The following RHOBTB2 variants were observed in gnomAD, a reference collection of about 807,000 sequenced individuals.
The protein encoded by RHOBTB2 is Rho related BTB domain containing 2.
In RHOBTB2, 39 loss-of-function variants were observed where a neutral mutation model predicts 66.5. The observed-to-expected ratio is 0.59, with a 90% CI of 0.45 to 0.77. The LOEUF (loss-of-function observed/expected upper bound fraction) is 0.77, where lower values mean the gene tolerates loss of function less well. Among genes scored for constraint, RHOBTB2 ranks in the 30% least tolerant of loss-of-function variants. RHOBTB2 has a pLI of 0.00. For synonymous variants in RHOBTB2, 390 were observed against 395.0 expected, an observed-to-expected ratio of 0.99 and a Z score of 0.15; for missense variants, 755 against 999.1, an observed-to-expected ratio of 0.76 and a Z score of 3.29.
chr8:22,966,958 T>C, the RHOBTB2 span, among the ~76,000 whole-genome samples: 9 of 152,234 alleles, frequency 5.9e-5, no homozygotes, highest in Non-Finnish European at 1.0e-4. Flanking sequence ...CTGATGGGGA[T>C]GGAAAATGGT....
chr8:23,004,773 G>A lies in RHOBTB2; in HGVS notation c.192+147G>A. ...GTTGGGGGCAGCTGAAGAGGAAGGA[G>A]CCCCTGGAGAGAGGTTTAAGCCAAG... On this transcript the variant is annotated intron_variant, in intron 2 of 9. Coordinates refer to ENST00000251822, the MANE Select transcript of RHOBTB2 (RefSeq NM_015178.3). This position sits in a 1 kb window ranked among gnomAD's most constrained non-coding sequence, Gnocchi z 6.4. 1.3e-6 allele frequency: 1 copy of A among 751,884 alleles called. No individual in the cohort carries two copies. Among genetic ancestry groups the A allele is most frequent in the East Asian group, 2.7e-5 (1 of 37,148 alleles). 46.6% of individuals were successfully genotyped at this position (751,884 alleles called of 1,614,324 possible).
upstream of RHOBTB2, chr8:22,999,534 G>A: frequency 8.9e-7 from 1 of 1,122,422 alleles, no homozygotes; most frequent in Non-Finnish European, 1.1e-6. Flanking sequence ...CACCAACTGC[G>A]CGCGGCAGTG....
the RHOBTB2 span, among the ~76,000 whole-genome samples, chr8:22,969,257 C>A: frequency 1.3e-5 from 2 of 152,282 alleles, no homozygotes; most frequent in South Asian, 2.1e-4. Flanking sequence ...GTAACCCCCC[C>A]ACCCCCGCAT....
upstream of RHOBTB2, among the ~76,000 whole-genome samples, chr8:22,996,788 C>T (rs971771948): frequency 1.2e-4 from 18 of 151,990 alleles, no homozygotes; most frequent in Admixed American, 6.6e-5. Flanking sequence ...CAGGGATGGG[C>T]ATGAGAAGGC....
intron 1 of RHOBTB2, among the ~76,000 whole-genome samples, chr8:23,000,638 C>T (rs180973746): frequency 1.2e-4 from 19 of 152,246 alleles, no homozygotes; most frequent in Admixed American, 1.1e-3. Flanking sequence ...TTTCTTTAAT[C>T]TGACCATTCA....
At chr8:23,005,295 G>T (rs868170110) in intron 2 of RHOBTB2, 77 bp from the exon 3 acceptor site, 1 of 1,083,322 alleles carries the variant, frequency 9.2e-7, no homozygotes. Context: ...GGTGTCAGCC[G>T]GCGCTTATCC....
rs773089811 is a variant in RHOBTB2, at chr8:23,020,176, AATAC to A, written c.*2711_*2714del. ...TATTTAATTTGGTCATGGATTCATA[AATAC>A]ATAAGTATTTTGTACACAATGTGCT... On this transcript the variant is annotated 3_prime_UTR_variant, in exon 10 of 10. Transcript: ENST00000251822. 3.9e-4 allele frequency: 166 copies of A among 420,724 alleles called. 3 individuals carry two copies. The highest frequency in any genetic ancestry group is 2.4e-3 in the Middle Eastern group (3 of 1,274). 26.1% of individuals were successfully genotyped at this position (420,724 alleles called of 1,614,324 possible). A position where few individuals can be genotyped will look rare whatever the true frequency, so the allele number is the denominator to read the frequency against.
the RHOBTB2 span, among the ~76,000 whole-genome samples, chr8:22,956,475 C>T: frequency 3.3e-5 from 5 of 152,188 alleles, no homozygotes; most frequent in South Asian, 8.3e-4. Context: ...TCCCCCTCCT[C>T]CTCCTGGTCC....
chr8:22,970,564 G>A, the RHOBTB2 span, among the ~76,000 whole-genome samples: 1 of 148,052 alleles, frequency 6.8e-6, no homozygotes, highest in Non-Finnish European at 1.5e-5. Context: ...TCATGCCACT[G>A]CATTTCAGAA....
rs1051698659 is a variant in RHOBTB2 at position 23,017,556 on chromosome 8, C to T, written c.*87C>T. ...CTTCCGCATCACCCCATCCACCTTA[C>T]AGGGACCAGGGGGCCCACGTAACCA... On this transcript the variant is annotated 3_prime_UTR_variant, in exon 10 of 10. Transcript: ENST00000251822. This position sits in a 1 kb window ranked among gnomAD's most constrained non-coding sequence, Gnocchi z 5.3. 5.3e-6 allele frequency: 8 copies of T among 1,520,850 alleles called. No homozygotes were observed. The highest frequency in any genetic ancestry group is 7.1e-6 in the Non-Finnish European group (8 of 1,129,534). The allele number at this position is 1,520,850 out of a possible 1,614,324, so 94.2% of individuals were successfully genotyped here.
upstream of RHOBTB2, among the ~76,000 whole-genome samples, chr8:22,982,719 T>G (rs775068183): frequency 3.3e-5 from 5 of 152,234 alleles, no homozygotes; most frequent in Non-Finnish European, 7.3e-5. Flanking sequence ...CCCATGGATC[T>G]TTCTCACATA....
At chr8:22,981,075 A>G in the RHOBTB2 span, among the ~76,000 whole-genome samples, 2 of 152,170 alleles carry the variant, frequency 1.3e-5, no homozygotes, top group Non-Finnish European at 2.9e-5. Context: ...TTAAACCACC[A>G]ACTGATTTGT....
intron 1 of RHOBTB2, among the ~76,000 whole-genome samples, chr8:22,991,437 AAAG>A (rs1415706693): frequency 6.6e-6 from 1 of 152,190 alleles, no homozygotes; most frequent in Non-Finnish European, 1.5e-5. Context: ...AGTGAGGAGG[AAAG>A]AAGGAGAAAA....
In RHOBTB2 at chr8:23,017,241, C is replaced by T. The variant is rs762792737; in HGVS notation, c.1967-11C>T. The T allele has an allele frequency of 6.2e-7, 1 of 1,613,964 alleles. No homozygotes were observed. Among genetic ancestry groups the T allele is most frequent in the Admixed American group, 1.7e-5 (1 of 60,030 alleles). On this transcript the variant is annotated splice_polypyrimidine_tract_variant and intron_variant, in intron 9 of 9. Coordinates refer to ENST00000251822, the MANE Select transcript of RHOBTB2 (RefSeq NM_015178.3). The surrounding 1 kb of genome is among the most constrained non-coding windows in gnomAD (Gnocchi z 5.3). The stretch of plus-strand genomic sequence containing the variant: ...CTCCTTTCTAACCAAGCTGCCTGCT[C>T]TCTGCTCCAGAAAACCAGGAGTATT...
Position 23,006,618 on chromosome 8 carries a change from G to C in RHOBTB2, c.483-110G>C. The C allele has an allele frequency of 9.7e-7, 1 of 1,031,734 alleles. No individual in the cohort carries two copies. The highest frequency in any genetic ancestry group is 1.6e-5 in the African/African-American group (1 of 62,670). The allele number at this position is 1,031,734 out of a possible 1,614,324, so 63.9% of individuals were successfully genotyped here. A position where few individuals can be genotyped will look rare whatever the true frequency, so the allele number is the denominator to read the frequency against. On this transcript the variant is annotated intron_variant, in intron 4 of 9. Transcript: ENST00000251822. This position sits in a 1 kb window ranked among gnomAD's most constrained non-coding sequence, Gnocchi z 6.1. ...TGGCCAGACAGAGCAGGGCAGGAGT[G>C]GGTGGGGATTGGCACCCAGATCCTG...
upstream of RHOBTB2, chr8:22,995,879 C>T (rs750617453): frequency 1.2e-5 from 18 of 1,551,492 alleles, no homozygotes; most frequent in Admixed American, 5.9e-5. Context: ...GCCATGAAAG[C>T]GCGGTTAGTA....
the RHOBTB2 span, among the ~76,000 whole-genome samples, chr8:22,977,663 T>C: frequency 6.6e-6 from 1 of 151,862 alleles, no homozygotes; most frequent in African/African-American, 2.4e-5. Context: ...AACTGGTTAA[T>C]TCCATCATGG....
At chr8:22,974,960 A>G in the RHOBTB2 span, among the ~76,000 whole-genome samples, 1 of 152,140 alleles carries the variant, frequency 6.6e-6, no homozygotes, top group Non-Finnish European at 1.5e-5. Context: ...CTCCTGGATC[A>G]ATGTTTTGTC....
chr8:22,978,792 T>C, the RHOBTB2 span, among the ~76,000 whole-genome samples: 1 of 152,140 alleles, frequency 6.6e-6, no homozygotes, highest in African/African-American at 2.4e-5. Flanking sequence ...AAAAAACATA[T>C]AACAGTATAT....
Sources: gnomAD v4.1 joint callset for allele counts (sites outside exome capture counted in the v4.1 genomes callset) on GRCh38, gnomAD v4.1.1 for gene constraint, Gnocchi (gnomAD v3.1) non-coding constraint, MANE v1.5 for transcripts, NCBI Gene and HGNC (gene_info 2026-07-23, HGNC 2026-07-21) for gene names.